Variants in CACNA1H observed in about 807,000 individuals in gnomAD.
CACNA1H encodes the protein voltage-dependent T-type calcium channel subunit alpha-1H.
Under a neutral mutation model 192.5 loss-of-function variants are expected in CACNA1H, and 149 were observed. That is an observed-to-expected ratio of 0.77 (90% CI 0.68 to 0.89). The LOEUF (loss-of-function observed/expected upper bound fraction) is 0.89. Ranked by LOEUF, CACNA1H falls within the 40% of genes least tolerant of loss-of-function variation. The pLI is 0.00. For missense variants in CACNA1H, 4,257 were observed against 3,423.5 expected (o/e 1.24, Z -6.08); for synonymous variants, 2,202 against 1,475.2 (o/e 1.49, Z -11.29).
rs1298250676 is a variant in CACNA1H, at chr16:1,184,308, C to T, written c.300-10664C>T. On this transcript the variant is annotated intron_variant, in intron 2 of 34. Transcript: ENST00000348261. ...AAGCTTTGGGCCTTACTGCCCGAGG[C>T]AGAGGCCAGAGGCCGGACTGTGGAG... Among the ~76,000 whole-genome samples, 4 of 152,382 alleles carry T rather than the reference C, an allele frequency of 2.6e-5. No individual in the cohort carries two copies. The East Asian group carries it at 7.7e-4, about 29-fold the overall frequency.
chr16:1,187,967 C>T (rs756793133), intron 2 of CACNA1H, among the ~76,000 whole-genome samples: 1 of 152,204 alleles, frequency 6.6e-6, no homozygotes, highest in Non-Finnish European at 1.5e-5. Context: ...GGAGCCAGGC[C>T]GAGCCGTGTC....
Position 1,158,973 on chromosome 16 carries a change from G to A in CACNA1H, c.299+4937G>A, listed in dbSNP as rs562410626. ...GCAGGGGTCTCGGGTTTCACCGTCC[G>A]TCTGTCGCCCGGATCCTTCATCGCT... On this transcript the variant is annotated intron_variant, in intron 2 of 34. Transcript: ENST00000348261. Among the ~76,000 whole-genome samples, 7 of 152,180 alleles carry A rather than the reference G, an allele frequency of 4.6e-5. No individual in the cohort carries two copies. In the South Asian group the frequency reaches 6.2e-4, roughly 14 times the overall value.
At chr16:1,165,175 G>A (rs1963631914) in intron 2 of CACNA1H, among the ~76,000 whole-genome samples, 1 of 152,162 alleles carries the variant, frequency 6.6e-6, no homozygotes, top group Non-Finnish European at 1.5e-5. Flanking sequence ...GACCACCGTG[G>A]CGCGATTGCT....
chr16:1,163,610 T>A (rs1288429476), intron 2 of CACNA1H, among the ~76,000 whole-genome samples: 4 of 152,254 alleles, frequency 2.6e-5, no homozygotes, highest in African/African-American at 4.8e-5. Context: ...CCGCCAGCCC[T>A]GGCTGTGGTC....
chr16:1,164,176 G>C (rs1208940608), intron 2 of CACNA1H, among the ~76,000 whole-genome samples: 2 of 152,174 alleles, frequency 1.3e-5, no homozygotes, highest in African/African-American at 4.8e-5. Context: ...TGCCCGTTCA[G>C]TTATGTTTGG....
chr16:1,204,548 G>A (rs1968418835), intron 10 of CACNA1H, 90 bp downstream of exon 10: 1 of 1,033,640 alleles, frequency 9.7e-7, no homozygotes, highest in Admixed American at 2.6e-5. Context: ...CCCGATGCCT[G>A]ACCTGATGGT....
chr16:1,182,251 C>A (rs953999064), intron 2 of CACNA1H, among the ~76,000 whole-genome samples: 3 of 152,128 alleles, frequency 2.0e-5, no homozygotes, highest in Admixed American at 6.5e-5. Flanking sequence ...TGCAGCCTGG[C>A]GGACATAGAG....
At position 1,218,020 on chromosome 16, in the gene CACNA1H, A is replaced by G; in HGVS notation, c.5425A>G (p.Asn1809Asp). ...GCTGTTCCGCGTGTCCACGGGGGAC[A>G]ACTGGAACGGGATCATGAAGGTACC... Reference protein sequence around the residue: ...LTLFRVSTGDNWNGIMKDTLR... With the variant: ...LTLFRVSTGDDWNGIMKDTLR... The change falls in exon 32 of 35, where the codon AAC becomes GAC. Residue 1809 changes from asparagine (N) to aspartate (D), a missense_variant. By Grantham distance (23) the Asn-to-Asp change is conservative (BLOSUM62 1). Transcript: ENST00000348261. 3 of 1,601,096 alleles carry G rather than the reference A, an allele frequency of 1.9e-6. No individual in the cohort carries two copies. Among genetic ancestry groups the G allele is most frequent in the Non-Finnish European group, 2.6e-6 (3 of 1,174,140 alleles).
chr16:1,195,284 C>T (rs1227268803), intron 3 of CACNA1H, 148 bp from the exon 4 acceptor site: 3 of 1,007,748 alleles, frequency 3.0e-6, no homozygotes, highest in East Asian at 3.2e-5. Context: ...CAAGGCGAGG[C>T]AGGGCTCAGT....
Position 1,220,154 on chromosome 16 carries a change from C to A in CACNA1H, c.6222C>A (p.Phe2074Leu). The A allele has an allele frequency of 6.6e-7, 1 of 1,520,838 alleles. No homozygotes were observed. Among genetic ancestry groups the A allele is most frequent in the Non-Finnish European group, 8.8e-7 (1 of 1,136,034 alleles). The allele number at this position is 1,520,838 out of a possible 1,614,324, so 94.2% of individuals were successfully genotyped here. A position where few individuals can be genotyped will look rare whatever the true frequency, so the allele number is the denominator to read the frequency against. ...GCGTCCGCACTCGTAAGCATACCTT[C>A]GGACAGCGCTGCGTCTCCAGCCGGC... ...PASVRTRKHT[F>L]GQRCVSSRPA... Residue 2074 changes from phenylalanine to leucine, a missense_variant, in exon 35 of 35, where the codon TTC (phenylalanine) becomes TTA (leucine). Phe to Leu is a conservative substitution (Grantham distance 22). Transcript: ENST00000348261.
rs764044517 is a variant in CACNA1H at position 1,220,833 on chromosome 16, G to A, written c.6901G>A (p.Val2301Met). The A allele has an allele frequency of 1.2e-6, 2 of 1,612,782 alleles. No homozygotes were observed. Among genetic ancestry groups the A allele is most frequent in the Admixed American group, 1.7e-5 (1 of 60,026 alleles). The change falls in exon 35 of 35, where the codon GTG becomes ATG. Residue 2301 changes from valine (V) to methionine (M), a missense_variant. By Grantham distance (21) the Val-to-Met change is conservative (BLOSUM62 1). Coordinates refer to ENST00000348261, the MANE Select transcript of CACNA1H (RefSeq NM_021098.3). ...ESRASSSGAI[V>M]PLEPPESEPP... ...CAGAGCTTCCTCTTCAGGGGCCATAGTGCCCCTGGAACCCCCAGAATCAGA... is the reference window on the plus strand; with the variant it reads ...CAGAGCTTCCTCTTCAGGGGCCATAATGCCCCTGGAACCCCCAGAATCAGA...
At chr16:1,191,875 C>T (rs1966654319) in intron 2 of CACNA1H, among the ~76,000 whole-genome samples, 1 of 151,582 alleles carries the variant, frequency 6.6e-6, no homozygotes, top group African/African-American at 2.4e-5. Context: ...GTTTTGGTGA[C>T]CCAGCAGGCT....
At position 1,220,650 on chromosome 16, in the gene CACNA1H, G is replaced by GC. The variant is rs1567560443; in HGVS notation, c.6720dup (p.Gly2241ArgfsTer19). The stretch of plus-strand genomic sequence containing the variant: ...CCTGGAGCCCACAGAGGGCTCAGGC[G>GC]CCGGGGGGGACCCTGCAGCCAAGGG... On this transcript the variant is annotated frameshift_variant, in exon 35 of 35. Coordinates refer to ENST00000348261, the MANE Select transcript of CACNA1H (RefSeq NM_021098.3). LOFTEE classifies it low-confidence loss of function (END_TRUNC). 6.2e-7 allele frequency: 1 copy of GC among 1,604,202 alleles called. No homozygotes were observed. Among genetic ancestry groups the GC allele is most frequent in the East Asian group, 2.2e-5 (1 of 44,488 alleles).
chr16:1,186,975 C>T (rs1003526717), intron 2 of CACNA1H, among the ~76,000 whole-genome samples: 1 of 152,188 alleles, frequency 6.6e-6, no homozygotes, highest in Non-Finnish European at 1.5e-5. Flanking sequence ...CACTGACTCC[C>T]AGGGTCTGCG....
chr16:1,168,622 G>A (rs892805728), intron 2 of CACNA1H, among the ~76,000 whole-genome samples: 2 of 152,054 alleles, frequency 1.3e-5, no homozygotes, highest in African/African-American at 4.8e-5. Flanking sequence ...GGTCCTCAGT[G>A]TCCCCCGAGC....
At chr16:1,176,311 G>A (rs1024270425) in intron 2 of CACNA1H, among the ~76,000 whole-genome samples, 7 of 152,248 alleles carry the variant, frequency 4.6e-5, no homozygotes, top group African/African-American at 1.7e-4. Context: ...GCGAGGCGCA[G>A]CAGCAATGTC....
At chr16:1,186,977 G>C (rs573092497) in intron 2 of CACNA1H, among the ~76,000 whole-genome samples, 1 of 152,320 alleles carries the variant, frequency 6.6e-6, no homozygotes, top group Non-Finnish European at 1.5e-5. Flanking sequence ...CTGACTCCCA[G>C]GGTCTGCGGC....
At chr16:1,193,577 C>T (rs1398862364) in intron 2 of CACNA1H, among the ~76,000 whole-genome samples, 5 of 152,274 alleles carry the variant, frequency 3.3e-5, no homozygotes, top group Admixed American at 2.0e-4. Context: ...TGGGACAGCG[C>T]GTGGCTGTGC....
chr16:1,164,064 C>T (rs1409876897), intron 2 of CACNA1H, among the ~76,000 whole-genome samples: 3 of 152,176 alleles, frequency 2.0e-5, no homozygotes, highest in African/African-American at 7.2e-5. Context: ...GGCCGCCGGC[C>T]GGGTATGGAG....
Sources: allele counts gnomAD v4.1 joint callset (sites outside exome capture counted in the v4.1 genomes callset), GRCh38; gene constraint gnomAD v4.1.1; transcripts MANE v1.5; gene names NCBI Gene and HGNC (gene_info 2026-07-23, HGNC 2026-07-21).